Variants in LINGO2 observed in about 807,000 individuals in gnomAD.
LINGO2 encodes the protein leucine rich repeat and Ig domain containing 2.
A neutral mutation model predicts 30.6 loss-of-function variants in LINGO2; 14 were observed. The ratio of observed to expected loss-of-function variants is 0.46; its 90% confidence interval spans 0.30 to 0.72. LINGO2 has a LOEUF of 0.72. Ranked by LOEUF, LINGO2 falls within the 30% of genes least tolerant of loss-of-function variation. The probability of loss-of-function intolerance (pLI) is 0.07; values close to 1 mark genes in which losing one functional copy is unlikely to be tolerated. For missense variants in LINGO2, 729 were observed against 751.7 expected (o/e 0.97, Z 0.35); for synonymous variants, 317 against 288.5 (o/e 1.10, Z -1.00).
rs139290736 is a variant in LINGO2, at chr9:28,334,885, T to G, written c.-246+37951A>C. 2.4e-3 allele frequency among the ~76,000 whole-genome samples: 365 copies of G among 152,122 alleles called. 1 individual carries two copies. The highest frequency in any genetic ancestry group is 3.9e-3 in the Non-Finnish European group (266 of 67,994). Reference sequence around the variant, plus strand: ...CTTGGCCCCATTTAAAACACCAGAATTCAGGCACAAAGACAAAGCAGGGAT... The same window carrying G: ...CTTGGCCCCATTTAAAACACCAGAAGTCAGGCACAAAGACAAAGCAGGGAT... On this transcript the variant is annotated intron_variant, in intron 3 of 5. Coordinates refer to ENST00000379992, the Ensembl canonical transcript of LINGO2.
At chr9:28,785,296 A>C in the LINGO2 span, among the ~76,000 whole-genome samples, 1 of 152,136 alleles carries the variant, frequency 6.6e-6, no homozygotes, top group Non-Finnish European at 1.5e-5. Context: ...ATCATTGACC[A>C]TACCTAGGCA....
chr9:28,960,120 A>G, the LINGO2 span, among the ~76,000 whole-genome samples: 1 of 152,190 alleles, frequency 6.6e-6, no homozygotes, highest in Non-Finnish European at 1.5e-5. Flanking sequence ...TCATGAATCT[A>G]TTCTTGATAT....
intron 4 of LINGO2, among the ~76,000 whole-genome samples, chr9:28,070,679 A>G (rs1825446849): frequency 6.6e-6 from 1 of 152,134 alleles, no homozygotes; most frequent in Admixed American, 6.5e-5. Context: ...TTGGTGTTAT[A>G]GGGCCATGGA....
At chr9:29,046,632 A>G in the LINGO2 span, among the ~76,000 whole-genome samples, 1 of 152,164 alleles carries the variant, frequency 6.6e-6, no homozygotes, top group Admixed American at 6.5e-5. Flanking sequence ...ACCCAAAACT[A>G]TAAAAACCCT....
chr9:28,400,140 G>C (rs192694819), intron 2 of LINGO2, among the ~76,000 whole-genome samples: 19 of 152,210 alleles, frequency 1.2e-4, no homozygotes, highest in Admixed American at 1.2e-3. Context: ...GTGACCCTTT[G>C]GCACCGGAAA....
At chr9:28,815,827 G>A in the LINGO2 span, among the ~76,000 whole-genome samples, 4 of 152,322 alleles carry the variant, frequency 2.6e-5, no homozygotes, top group South Asian at 8.3e-4. Context: ...CTAGAAGAAG[G>A]CTGAGTGGAT....
chr9:28,933,782 TTGGACTG>T, the LINGO2 span, among the ~76,000 whole-genome samples: 3 of 152,196 alleles, frequency 2.0e-5, no homozygotes, highest in African/African-American at 7.2e-5. Context: ...TTGTCCAGCT[TTGGACTG>T]GTATCACCCT....
the LINGO2 span, among the ~76,000 whole-genome samples, chr9:28,951,172 A>T: frequency 6.6e-6 from 1 of 152,198 alleles, no homozygotes; most frequent in Non-Finnish European, 1.5e-5. Context: ...TGGTGTTAGG[A>T]AAACTGGCTA....
At chr9:28,907,087 T>C in the LINGO2 span, among the ~76,000 whole-genome samples, 1 of 151,958 alleles carries the variant, frequency 6.6e-6, no homozygotes. Context: ...TTTCATGACT[T>C]CCATTTCTGG....
chr9:28,417,116 A>G (rs144082786), intron 2 of LINGO2, among the ~76,000 whole-genome samples: 141 of 152,304 alleles, frequency 9.3e-4, no homozygotes, highest in Non-Finnish European at 1.4e-3. Context: ...TGATTCAGTT[A>G]TATATTGCTG....
At chr9:28,966,321 A>T in the LINGO2 span, among the ~76,000 whole-genome samples, 3 of 108,860 alleles carry the variant, frequency 2.8e-5, no homozygotes, top group African/African-American at 8.2e-5. Context: ...TTAGAGAATC[A>T]CACAGTAATA....
chr9:28,190,534 G>T lies in LINGO2; in HGVS notation c.-87+104674C>A, dbSNP rs547492053. On this transcript the variant is annotated intron_variant, in intron 4 of 5. Transcript: ENST00000379992. ...GCCCTTATAAAAGAAACCCCAGAGA[G>T]TTCTCTCGTTTCTTCTGCAATGTGA... Among the ~76,000 whole-genome samples the T allele has an allele frequency of 2.0e-4, 30 of 152,228 alleles. No individual in the cohort carries two copies. The South Asian group carries it at 5.8e-3, about 29-fold the overall frequency.
At chr9:28,750,141 G>A in the LINGO2 span, among the ~76,000 whole-genome samples, 2 of 152,106 alleles carry the variant, frequency 1.3e-5, no homozygotes, top group Non-Finnish European at 2.9e-5. Flanking sequence ...GCTTCAAAGA[G>A]CAATATTTTG....
chr9:29,096,395 C>T, the LINGO2 span, among the ~76,000 whole-genome samples: 1 of 140,014 alleles, frequency 7.1e-6, no homozygotes, highest in African/African-American at 2.7e-5. Context: ...AAGCGATTCT[C>T]ATGCCTCAGC....
At chr9:29,093,162 G>T in the LINGO2 span, among the ~76,000 whole-genome samples, 7 of 127,740 alleles carry the variant, frequency 5.5e-5, 1 homozygote, top group African/African-American at 1.8e-4. Context: ...TTTCTTTTTG[G>T]CAACAATGAC....
intron 1 of LINGO2, among the ~76,000 whole-genome samples, chr9:28,651,575 A>G (rs962410871): frequency 6.6e-5 from 10 of 152,094 alleles, no homozygotes; most frequent in African/African-American, 2.4e-4. Context: ...GTTTCACCCC[A>G]CAGTCCCTGG....
At chr9:28,853,276 C>T in the LINGO2 span, among the ~76,000 whole-genome samples, 1 of 151,958 alleles carries the variant, frequency 6.6e-6, no homozygotes, top group Non-Finnish European at 1.5e-5. Flanking sequence ...ATTAGTCATG[C>T]ACATATGCAT....
At chr9:28,323,677 T>G (rs1006817554) in intron 3 of LINGO2, among the ~76,000 whole-genome samples, 4 of 152,122 alleles carry the variant, frequency 2.6e-5, no homozygotes, top group African/African-American at 9.7e-5. Context: ...CTCCAGAGCG[T>G]AGCATCAAAG....
the LINGO2 span, among the ~76,000 whole-genome samples, chr9:29,058,390 T>C: frequency 2.6e-5 from 4 of 151,630 alleles, no homozygotes; most frequent in African/African-American, 9.7e-5. Context: ...ATAGAAGATA[T>C]CCAAATTGAA....
Sources: allele counts gnomAD v4.1 joint callset (sites outside exome capture counted in the v4.1 genomes callset), GRCh38; gene constraint gnomAD v4.1.1; transcripts MANE v1.5; gene names NCBI Gene and HGNC (gene_info 2026-07-23, HGNC 2026-07-21).